The following FREM2 variants were observed in gnomAD, a reference collection of about 807,000 sequenced individuals.
FREM2 encodes the protein FRAS1 related extracellular matrix 2, also known as FRAS1-related extracellular matrix protein 2.
A neutral mutation model predicts 219.9 loss-of-function variants in FREM2; 119 were observed. The observed-to-expected ratio is 0.54, with a 90% confidence interval of 0.47 to 0.63. The LOEUF (loss-of-function observed/expected upper bound fraction) is 0.63, where lower values mean the gene tolerates loss of function less well. Ranked by LOEUF, FREM2 falls within the 30% of genes least tolerant of loss-of-function variation. The pLI is 0.00. For missense variants in FREM2, 4,030 were observed against 3,993.6 expected, an observed-to-expected ratio of 1.01 and a Z score of -0.25; for synonymous variants, 1,562 against 1,522.8, an observed-to-expected ratio of 1.03 and a Z score of -0.60.
intron 2 of FREM2, among the ~76,000 whole-genome samples, chr13:38,721,116 T>C (rs1405062159): frequency 6.6e-6 from 1 of 151,994 alleles, no homozygotes; most frequent in Non-Finnish European, 1.5e-5. Flanking sequence ...AGTTTACATA[T>C]GTAACAAACC....
rs1343630090 is a variant in FREM2 at position 38,851,982 on chromosome 13, C to CT, written c.6925+120dup. 3 of 922,302 alleles carry CT rather than the reference C, an allele frequency of 3.3e-6. No individual in the cohort carries two copies. In the African/African-American group the frequency reaches 4.9e-5, roughly 15 times the overall value. 57.1% of individuals were successfully genotyped at this position (922,302 alleles called of 1,614,324 possible). A position where few individuals can be genotyped will look rare whatever the true frequency, so the allele number is the denominator to read the frequency against. ...CCAATTGAAATCAAAATAGGGCACT[C>CT]TTTTTTAGGGGGTATAATTTTAAGG... On this transcript the variant is annotated intron_variant, in intron 11 of 23. Coordinates refer to ENST00000280481, the MANE Select transcript of FREM2 (RefSeq NM_207361.6).
Position 38,689,198 on chromosome 13 carries a change from C to G in FREM2, c.1854C>G (p.Pro618=). The change falls in exon 1 of 24, where the codon CCC becomes CCG. Residue 618 remains proline, a synonymous_variant. Transcript: ENST00000280481. ...TGCTTCTCCGCCAAACTCACCCTCC[C>G]CATGAGAAGCAGGAACTTCTCAGAG... The part of the protein sequence containing the change: ...GHLLLRQTHP[P]HEKQELLRGL... 1 of 1,614,090 alleles carries G rather than the reference C, an allele frequency of 6.2e-7. No homozygotes were observed. Among genetic ancestry groups the G allele is most frequent in the Non-Finnish European group, 8.5e-7 (1 of 1,180,022 alleles).
At position 38,688,284 on chromosome 13, in the gene FREM2, G is replaced by A. The variant is rs1268372156; in HGVS notation, c.940G>A (p.Glu314Lys). 2.5e-6 allele frequency: 4 copies of A among 1,613,966 alleles called. No individual in the cohort carries two copies. Among genetic ancestry groups the A allele is most frequent in the East Asian group, 2.2e-5 (1 of 44,868 alleles). The change falls in exon 1 of 24, where the codon GAG becomes AAG. Residue 314 changes from glutamate (E) to lysine (K), a missense_variant. Transcript: ENST00000280481. The part of the protein sequence containing the change: ...QVLVRIRGGA[E>K]NTAPKPSFVA... ...TCTGGTGAGGATCCGAGGAGGGGCC[G>A]AGAACACTGCACCCAAGCCCAGTTT...
At chr13:38,815,285 G>A (rs988003630) in intron 6 of FREM2, among the ~76,000 whole-genome samples, 1 of 152,040 alleles carries the variant, frequency 6.6e-6, no homozygotes, top group East Asian at 1.9e-4. Context: ...AAATTTTCAG[G>A]CATTTTGTAC....
chr13:38,864,531 A>G lies in FREM2; in HGVS notation c.7908A>G (p.Leu2636=), dbSNP rs1477581598. 6.2e-7 allele frequency: 1 copy of G among 1,614,254 alleles called. No homozygotes were observed. Among genetic ancestry groups the G allele is most frequent in the Admixed American group, 1.7e-5 (1 of 60,026 alleles). The part of the protein sequence containing the change: ...FYRNLNLEAC[L]WEFVSYYDMS... ...GGAACCTGAACCTAGAGGCCTGTTTATGGGAGTTCGTTAGCTACTATGACA... is the reference window on the plus strand; with the variant it reads ...GGAACCTGAACCTAGAGGCCTGTTTGTGGGAGTTCGTTAGCTACTATGACA... The change falls in exon 16 of 24, where the codon TTA becomes TTG. Residue 2636 remains leucine (L), a synonymous_variant. Coordinates refer to ENST00000280481, the MANE Select transcript of FREM2 (RefSeq NM_207361.6).
chr13:38,764,116 C>T (rs2137809038), intron 2 of FREM2, among the ~76,000 whole-genome samples, 188 bp from the exon 3 acceptor site: 1 of 152,274 alleles, frequency 6.6e-6, no homozygotes, highest in South Asian at 2.1e-4. Flanking sequence ...ATTATGTCAG[C>T]GATTGAATGT....
chr13:38,831,260 T>C (rs549937346), intron 6 of FREM2, among the ~76,000 whole-genome samples: 1 of 152,306 alleles, frequency 6.6e-6, no homozygotes, highest in Admixed American at 6.5e-5. Context: ...AGAATACTCA[T>C]GAAGCCTCTT....
Position 38,736,346 on chromosome 13 carries a change from C to T in FREM2, c.5264-27958C>T, listed in dbSNP as rs572727272. 7.2e-5 allele frequency among the ~76,000 whole-genome samples: 11 copies of T among 152,132 alleles called. No homozygotes were observed. The East Asian group carries it at 1.2e-3, about 16-fold the overall frequency. ...CTGGTAATTGTGGCTGAGAGGCTTA[C>T]GTATGAAGGGAACTTGTTTAAAAGT... On this transcript the variant is annotated intron_variant, in intron 2 of 23. Transcript: ENST00000280481.
intron 2 of FREM2, among the ~76,000 whole-genome samples, chr13:38,733,780 T>C (rs1248427884): frequency 6.6e-6 from 1 of 152,190 alleles, no homozygotes; most frequent in Non-Finnish European, 1.5e-5. Flanking sequence ...AGTGCTAGGA[T>C]TATAGTCATG....
At position 38,880,741 on chromosome 13, in the gene FREM2, C is replaced by G; in HGVS notation, c.9464C>G (p.Pro3155Arg). 1 of 1,614,122 alleles carries G rather than the reference C, an allele frequency of 6.2e-7. No homozygotes were observed. The highest frequency in any genetic ancestry group is 8.5e-7 in the Non-Finnish European group (1 of 1,180,022). The change falls in exon 24 of 24, where the codon CCC becomes CGC. Residue 3155 changes from proline to arginine, a missense_variant. Around this residue, in one of 2 missense-constraint regions of FREM2, gnomAD observed 928 missense variants for 1,042.9 expected, o/e 0.89. Coordinates refer to ENST00000280481, the MANE Select transcript of FREM2 (RefSeq NM_207361.6). ...CCGAAAGGCTCCAGCAGCAGTGAGC[C>G]CATGGTGCCCCCACAGAGCCATCAC... The part of the protein sequence containing the change: ...DAPKGSSSSE[P>R]MVPPQSHHND...
intron 2 of FREM2, among the ~76,000 whole-genome samples, chr13:38,717,292 T>C (rs1871045175): frequency 6.6e-6 from 1 of 151,922 alleles, no homozygotes; most frequent in African/African-American, 2.4e-5. Context: ...TGGAAGTATA[T>C]AGAAGAAGGT....
intron 6 of FREM2, 60 bp from the exon 7 acceptor site, chr13:38,846,513 A>G (rs773207651): frequency 3.3e-5 from 52 of 1,556,402 alleles, no homozygotes; most frequent in Non-Finnish European, 3.8e-5. Context: ...AAGCATGTCA[A>G]TAGAGTTTGA....
intron 11 of FREM2, among the ~76,000 whole-genome samples, chr13:38,855,900 A>T (rs912116456): frequency 2.6e-5 from 4 of 152,144 alleles, no homozygotes; most frequent in East Asian, 1.9e-4. Context: ...TTAAAAAAAT[A>T]AAGTCTTGGG....
chr13:38,688,291 C>G lies in FREM2; in HGVS notation c.947C>G (p.Thr316Ser). 6.2e-7 allele frequency: 1 copy of G among 1,614,156 alleles called. No individual in the cohort carries two copies. Residue 316 changes from threonine to serine, a missense_variant, in exon 1 of 24, where the codon ACT becomes AGT. Thr to Ser is a moderately conservative substitution (Grantham distance 58, BLOSUM62 1). This residue lies in a region of FREM2 where 3,102 missense variants were observed against 2,950.7 expected (regional missense o/e 1.05). Transcript: ENST00000280481. ...AGGATCCGAGGAGGGGCCGAGAACA[C>G]TGCACCCAAGCCCAGTTTCGTGGCC... Reference protein sequence around the residue: ...LVRIRGGAENTAPKPSFVAMM... With the variant: ...LVRIRGGAENSAPKPSFVAMM...
At position 38,840,349 on chromosome 13, in the gene FREM2, G is replaced by A. The variant is rs568334874; in HGVS notation, c.6020-6224G>A. Among the ~76,000 whole-genome samples the A allele has an allele frequency of 7.3e-5, 11 of 151,428 alleles. No homozygotes were observed. The South Asian group carries it at 1.7e-3, about 23-fold the overall frequency. On this transcript the variant is annotated intron_variant, in intron 6 of 23. Coordinates refer to ENST00000280481, the MANE Select transcript of FREM2 (RefSeq NM_207361.6). The stretch of plus-strand genomic sequence containing the variant: ...TCAGTTGGAAATGCAGAAATCGCCT[G>A]CCTTCTGCGTTGGCCTTGCTGGGTG...
chr13:38,863,535 T>C (rs1289880449), intron 15 of FREM2, among the ~76,000 whole-genome samples: 3 of 101,680 alleles, frequency 3.0e-5, no homozygotes, highest in South Asian at 8.1e-4. Flanking sequence ...AAATACATCC[T>C]TTAAAAAACT....
intron 2 of FREM2, among the ~76,000 whole-genome samples, chr13:38,741,426 G>T (rs1593377777): frequency 3.9e-5 from 6 of 152,144 alleles, no homozygotes; most frequent in Non-Finnish European, 1.5e-5. Context: ...ACCTTCATAT[G>T]TATGCTAATA....
chr13:38,749,605 C>G (rs1053214265), intron 2 of FREM2, among the ~76,000 whole-genome samples: 3 of 152,046 alleles, frequency 2.0e-5, no homozygotes, highest in Non-Finnish European at 2.9e-5. Flanking sequence ...GAGGGTCTGA[C>G]TGTCCTGTGC....
intron 2 of FREM2, among the ~76,000 whole-genome samples, chr13:38,714,120 T>G (rs1870886664): frequency 6.6e-6 from 1 of 152,250 alleles, no homozygotes. Flanking sequence ...ACAGAGGCCT[T>G]GTCACAGTCA....
Sources: gnomAD v4.1 joint callset for allele counts (sites outside exome capture counted in the v4.1 genomes callset) on GRCh38, gnomAD v4.1.1 for gene constraint, gnomAD v4.1.1 regional missense constraint, MANE v1.5 for transcripts, NCBI Gene and HGNC (gene_info 2026-07-23, HGNC 2026-07-21) for gene names.